The following NDE1 variants were observed in gnomAD, a reference collection of about 807,000 sequenced individuals.
The protein encoded by NDE1 is nuclear distribution protein nudE homolog 1.
In NDE1, 28 loss-of-function variants were observed where a neutral mutation model predicts 43.4. The ratio of observed to expected loss-of-function variants is 0.65; its 90% CI spans 0.48 to 0.89. The LOEUF (loss-of-function observed/expected upper bound fraction) is 0.89, where lower values mean the gene tolerates loss of function less well. Ranked by LOEUF, NDE1 falls within the 40% of genes least tolerant of loss-of-function variation. The pLI, the probability that NDE1 is intolerant of heterozygous loss-of-function variation, is 0.00. For missense variants in NDE1, 441 were observed against 434.1 expected (o/e 1.02, Z -0.14); for synonymous variants, 184 against 172.0 (o/e 1.07, Z -0.55).
intron 3 of NDE1, among the ~76,000 whole-genome samples, chr16:15,671,396 G>A (rs1415625501): frequency 2.0e-5 from 3 of 152,156 alleles, no homozygotes; most frequent in African/African-American, 7.2e-5. Context: ...TGTAGTCTAA[G>A]CTACTCAAGA....
At chr16:15,696,291 G>A (rs1474061095) in intron 7 of NDE1, among the ~76,000 whole-genome samples, 1 of 152,034 alleles carries the variant, frequency 6.6e-6, no homozygotes, top group Non-Finnish European at 1.5e-5. Flanking sequence ...GGGAGGGATT[G>A]GTTGAGCCTG....
chr16:15,695,442 A>G, intron 7 of NDE1: 3 of 941,804 alleles, frequency 3.2e-6, no homozygotes, highest in Non-Finnish European at 3.8e-6. Context: ...CGGGAGGCGG[A>G]GGTTGCAGTG....
At chr16:15,650,848 C>G (rs1185363095) in intron 1 of NDE1, among the ~76,000 whole-genome samples, 1 of 152,174 alleles carries the variant, frequency 6.6e-6, no homozygotes, top group African/African-American at 2.4e-5. Flanking sequence ...ACTGTCCCGC[C>G]CCTGCAGGCC....
At chr16:15,694,084 G>A (rs181459618) in intron 6 of NDE1, 81 bp from the exon 7 acceptor site, 20 of 1,512,328 alleles carry the variant, frequency 1.3e-5, no homozygotes, top group African/African-American at 2.8e-5. Context: ...CTCCTGTCCC[G>A]TGGTTTTGGA....
chr16:15,707,534 C>T (rs2039521311), intron 8 of NDE1, among the ~76,000 whole-genome samples: 1 of 152,146 alleles, frequency 6.6e-6, no homozygotes, highest in South Asian at 2.1e-4. Flanking sequence ...TCATCTGCTC[C>T]CCCACAAAAC....
At position 15,644,594 on chromosome 16, in the gene NDE1, G is replaced by A. The variant is rs116679856; in HGVS notation, c.-166+667G>A. On this transcript the variant is annotated intron_variant, in intron 1 of 9. Transcript: ENST00000396355. ...CAAATTTGAGACTAGACTGGGAAAC[G>A]GTGAAACCCTATCACTATTTAGAAA... is the stretch of plus-strand genomic sequence containing the variant. Among the ~76,000 whole-genome samples, 712 of 152,164 alleles carry A rather than the reference G, an allele frequency of 4.7e-3. 2 individuals carry two copies. Among genetic ancestry groups the A allele is most frequent in the African/African-American group, 0.015 (604 of 41,484 alleles).
chr16:15,648,382 T>C (rs1376800022), upstream of NDE1, among the ~76,000 whole-genome samples: 1 of 152,150 alleles, frequency 6.6e-6, no homozygotes, highest in Non-Finnish European at 1.5e-5. Flanking sequence ...TATGACAGGA[T>C]GTTTTAGAAG....
chr16:15,695,514 AAT>A (rs1491431686), intron 7 of NDE1: 1 of 971,898 alleles, frequency 1.0e-6, no homozygotes, highest in East Asian at 1.2e-4. Flanking sequence ...AAAAAAAAAA[AAT>A]CTTGAAAGCC....
intron 1 of NDE1, among the ~76,000 whole-genome samples, chr16:15,658,665 A>G (rs995968541): frequency 6.6e-6 from 1 of 152,162 alleles, no homozygotes; most frequent in Non-Finnish European, 1.5e-5. Flanking sequence ...TTTTTTGTTT[A>G]TATGTTTTTG....
intron 5 of NDE1, 149 bp downstream of exon 5, chr16:15,687,660 A>G (rs2038509115): frequency 1.3e-6 from 1 of 785,316 alleles, no homozygotes; most frequent in Non-Finnish European, 2.2e-6. Context: ...GTCGGACTGC[A>G]CTGGGCAGAC....
chr16:15,696,530 T>C (rs1199826153), intron 7 of NDE1, among the ~76,000 whole-genome samples, 179 bp from the exon 8 acceptor site: 1 of 152,104 alleles, frequency 6.6e-6, no homozygotes, highest in African/African-American at 2.4e-5. Context: ...CCCAAATACT[T>C]AAGGTGCTTG....
intron 8 of NDE1, among the ~76,000 whole-genome samples, chr16:15,706,353 T>C (rs2039454486): frequency 6.6e-6 from 1 of 152,184 alleles, no homozygotes; most frequent in Admixed American, 6.5e-5. Flanking sequence ...GCAGTTTGAC[T>C]GTTCCCTGTA....
In NDE1 at chr16:15,691,279, G is replaced by A. The variant is rs376657830; in HGVS notation, c.659G>A (p.Arg220Gln). The A allele has an allele frequency of 8.7e-5, 140 of 1,614,026 alleles. No homozygotes were observed. The highest frequency in any genetic ancestry group is 5.6e-5 in the Non-Finnish European group (66 of 1,180,030). The stretch of plus-strand genomic sequence containing the variant: ...GTGCCGTCCACGCCCATTGCTCACC[G>A]AGGACCCAGCTCAAGTTTAAACACA... ...GSVPSTPIAH[R>Q]GPSSSLNTPG... is the part of the protein sequence containing the mutation. The change falls in exon 6 of 9, where the codon CGA becomes CAA. Residue 220 changes from arginine to glutamine, a missense_variant. By Grantham distance (43) the Arg-to-Gln change is conservative. Coordinates refer to ENST00000396354, the MANE Select transcript of NDE1 (RefSeq NM_017668.3).
At chr16:15,719,559 G>C (rs1194942173) in intron 8 of NDE1, 1 of 1,613,376 alleles carries the variant, frequency 6.2e-7, no homozygotes, top group African/African-American at 1.3e-5. Flanking sequence ...CGCATCTGAG[G>C]CTCTCCTAGC....
intron 8 of NDE1, among the ~76,000 whole-genome samples, chr16:15,698,790 A>G (rs2039118932): frequency 6.6e-6 from 1 of 151,866 alleles, no homozygotes; most frequent in African/African-American, 2.4e-5. Flanking sequence ...GAACCCAGGA[A>G]GTGGAGGTTG....
chr16:15,695,705 A>C, intron 7 of NDE1: 2 of 985,314 alleles, frequency 2.0e-6, no homozygotes, highest in Non-Finnish European at 2.4e-6. Flanking sequence ...GCTACAACTT[A>C]ATAGAAGCTT....
Position 15,667,456 on chromosome 16 carries a change from A to C in NDE1, c.237+17A>C. Reference sequence around the variant, plus strand: ...ACCATCAAGGTGAGGGGCTGAGAGGAAGTGTGCTCAGGTGTAGACAGGCGT... The same window carrying C: ...ACCATCAAGGTGAGGGGCTGAGAGGCAGTGTGCTCAGGTGTAGACAGGCGT... On this transcript the variant is annotated intron_variant, in intron 3 of 8. Transcript: ENST00000396354. The C allele has an allele frequency of 2.5e-6, 4 of 1,613,264 alleles. No individual in the cohort carries two copies. Among genetic ancestry groups the C allele is most frequent in the Non-Finnish European group, 3.4e-6 (4 of 1,179,764 alleles).
intron 1 of NDE1, 148 bp downstream of exon 1, chr16:15,650,442 CT>C (rs1310945443): frequency 6.3e-6 from 1 of 157,946 alleles, no homozygotes; most frequent in Non-Finnish European, 1.4e-5. Context: ...TTGCGCGTCG[CT>C]TCCCGGCCGC....
intron 1 of NDE1, among the ~76,000 whole-genome samples, chr16:15,662,335 T>C (rs1265352205): frequency 6.7e-6 from 1 of 149,002 alleles, no homozygotes; most frequent in African/African-American, 2.5e-5. Context: ...CAGGCTTGAG[T>C]GCAGTGGCGT....
Sources: allele counts gnomAD v4.1 joint callset (sites outside exome capture counted in the v4.1 genomes callset), GRCh38; gene constraint gnomAD v4.1.1; transcripts MANE v1.5; gene names NCBI Gene and HGNC (gene_info 2026-07-23, HGNC 2026-07-21).